Variants in SETD3 observed in about 807,000 individuals in gnomAD.
The protein encoded by SETD3 is SET domain containing 3, actin N3(tau)-histidine methyltransferase.
In SETD3, 19 loss-of-function variants were observed where a neutral mutation model predicts 63.0. The observed-to-expected ratio is 0.30, with a 90% confidence interval of 0.21 to 0.44. The LOEUF (loss-of-function observed/expected upper bound fraction) is 0.44, where lower values mean the gene tolerates loss of function less well. SETD3 is among the 20% of genes least tolerant of loss of function. The pLI, the probability that SETD3 is intolerant of heterozygous loss-of-function variation, is 1.00. For missense variants in SETD3, 587 were observed against 728.5 expected (o/e 0.81, Z 2.24); for synonymous variants, 286 against 264.1 (o/e 1.08, Z -0.80).
At chr14:99,423,198 CA>C (rs1397053371) in intron 6 of SETD3, among the ~76,000 whole-genome samples, 1 of 152,108 alleles carries the variant, frequency 6.6e-6, no homozygotes, top group African/African-American at 2.4e-5. Context: ...TTATAATATA[CA>C]GTCACTGAGA....
intron 6 of SETD3, among the ~76,000 whole-genome samples, chr14:99,446,887 C>A (rs183143679): frequency 6.6e-6 from 1 of 152,192 alleles, no homozygotes; most frequent in African/African-American, 2.4e-5. Context: ...ACACTAGGGG[C>A]ACCCTCCCCC....
chr14:99,404,313 G>A lies in SETD3; in HGVS notation c.1092-3C>T. 1 of 1,613,778 alleles carries A rather than the reference G, an allele frequency of 6.2e-7. No individual in the cohort carries two copies. The highest frequency in any genetic ancestry group is 1.1e-5 in the South Asian group (1 of 91,026). Reference sequence around the variant, plus strand: ...AATGCAATGCAAAAACACTGGAACTGATAAAAGCAGAAAGCAAGATCAGTC... The same window carrying A: ...AATGCAATGCAAAAACACTGGAACTAATAAAAGCAGAAAGCAAGATCAGTC... On this transcript the variant is annotated splice_region_variant and splice_polypyrimidine_tract_variant and intron_variant, in intron 10 of 12. Coordinates refer to ENST00000331768, the MANE Select transcript of SETD3 (RefSeq NM_032233.3).
chr14:99,468,323 T>C (rs936388963), intron 1 of SETD3, among the ~76,000 whole-genome samples: 1 of 152,060 alleles, frequency 6.6e-6, no homozygotes, highest in African/African-American at 2.4e-5. Flanking sequence ...GGTTAGACCC[T>C]AACACTAGTC....
At chr14:99,425,821 T>G (rs935471079) in intron 6 of SETD3, among the ~76,000 whole-genome samples, 1 of 152,222 alleles carries the variant, frequency 6.6e-6, no homozygotes, top group African/African-American at 2.4e-5. Flanking sequence ...GAAAAAAATC[T>G]GTTTTCCCAT....
At chr14:99,432,666 C>T (rs1893248502) in intron 6 of SETD3, among the ~76,000 whole-genome samples, 2 of 152,222 alleles carry the variant, frequency 1.3e-5, no homozygotes, top group Non-Finnish European at 1.5e-5. Flanking sequence ...TGGATGCAGA[C>T]GTAACAGTGA....
At chr14:99,448,403 G>A (rs1023391434) in intron 6 of SETD3, among the ~76,000 whole-genome samples, 4 of 152,150 alleles carry the variant, frequency 2.6e-5, no homozygotes, top group Admixed American at 1.3e-4. Context: ...GCAGCCACGG[G>A]TTTCCTACGA....
chr14:99,461,107 C>G lies in SETD3; in HGVS notation c.345+85G>C. ...TCAGAACTAGAACTCCCCCACCACACGTCTACCTCTTCACCCTGCGCCCTC... is the reference window on the plus strand; with the variant it reads ...TCAGAACTAGAACTCCCCCACCACAGGTCTACCTCTTCACCCTGCGCCCTC... On this transcript the variant is annotated intron_variant, in intron 4 of 12. Coordinates refer to ENST00000331768, the MANE Select transcript of SETD3 (RefSeq NM_032233.3). 14 of 1,486,394 alleles carry G rather than the reference C, an allele frequency of 9.4e-6. 1 individual carries two copies. In the South Asian group the frequency reaches 1.2e-4, roughly 12 times the overall value. The allele number at this position is 1,486,394 out of a possible 1,614,324, so 92.1% of individuals were successfully genotyped here. A position where few individuals can be genotyped will look rare whatever the true frequency, so the allele number is the denominator to read the frequency against.
chr14:99,462,899 T>C (rs1431456775), intron 3 of SETD3, among the ~76,000 whole-genome samples: 3 of 152,186 alleles, frequency 2.0e-5, no homozygotes, highest in African/African-American at 7.2e-5. Flanking sequence ...TTCCATGTGG[T>C]CCTGCATAAT....
Position 99,398,985 on chromosome 14 carries a change from C to T in SETD3, c.1479G>A (p.Met493Ile), listed in dbSNP as rs142731267. The part of the protein sequence containing the change: ...AVNREYYRQQ[M>I]EEKAPLPKYE... ...ATTTGGGAAGCGGAGCCTTTTCCTCCATCTGTTGGCGATAGTATTCCCGGT... is the reference window on the plus strand; with the variant it reads ...ATTTGGGAAGCGGAGCCTTTTCCTCTATCTGTTGGCGATAGTATTCCCGGT... Residue 493 changes from methionine to isoleucine, a missense_variant, in exon 13 of 13, where the codon ATG becomes ATA. Physicochemically the swap from Met to Ile is conservative, Grantham distance 10 (BLOSUM62 1). Transcript: ENST00000331768. 5 of 1,614,176 alleles carry T rather than the reference C, an allele frequency of 3.1e-6. No individual in the cohort carries two copies. Among genetic ancestry groups the T allele is most frequent in the Non-Finnish European group, 4.2e-6 (5 of 1,180,036 alleles).
At chr14:99,479,681 T>G (rs767244709) in intron 1 of SETD3, among the ~76,000 whole-genome samples, 23 of 152,222 alleles carry the variant, frequency 1.5e-4, no homozygotes, top group Non-Finnish European at 2.4e-4. Flanking sequence ...GCATTTATAG[T>G]GGCCTCATCA....
chr14:99,440,839 C>G (rs933999630), intron 6 of SETD3, among the ~76,000 whole-genome samples: 2 of 149,296 alleles, frequency 1.3e-5, no homozygotes, highest in African/African-American at 4.9e-5. Context: ...AAAAAAGCAA[C>G]AGAAAAATAC....
intron 6 of SETD3, among the ~76,000 whole-genome samples, chr14:99,448,308 T>A (rs1328296892): frequency 6.6e-6 from 1 of 152,140 alleles, no homozygotes. Context: ...GAATCCACTG[T>A]CACAGTGGCA....
chr14:99,461,457 A>C lies in SETD3; in HGVS notation c.197-117T>G, dbSNP rs536659542. 44 of 990,720 alleles carry C rather than the reference A, an allele frequency of 4.4e-5. 1 individual carries two copies. In the East Asian group the frequency reaches 8.5e-4, roughly 19 times the overall value. The allele number at this position is 990,720 out of a possible 1,614,324, so 61.4% of individuals were successfully genotyped here. The stretch of plus-strand genomic sequence containing the variant: ...ACACTGGAAATAGTCTTAACACGCC[A>C]ATCTTGAAATCAAAACTAATCACCA... On this transcript the variant is annotated intron_variant, in intron 3 of 12. Transcript: ENST00000331768.
rs1260652668 is a variant in SETD3, at chr14:99,459,245, C to T, written c.346-60G>A. On this transcript the variant is annotated intron_variant, in intron 4 of 12. Coordinates refer to ENST00000331768, the MANE Select transcript of SETD3 (RefSeq NM_032233.3). ...AACACGGTACAGTCTTCAATCCAACCATATCTACGGTCAGAAATCCAATCA... is the reference window on the plus strand; with the variant it reads ...AACACGGTACAGTCTTCAATCCAACTATATCTACGGTCAGAAATCCAATCA... 10 of 1,200,598 alleles carry T rather than the reference C, an allele frequency of 8.3e-6. No homozygotes were observed. The Middle Eastern group carries it at 5.7e-4, about 68-fold the overall frequency. The allele number at this position is 1,200,598 out of a possible 1,614,324, so 74.4% of individuals were successfully genotyped here. A position where few individuals can be genotyped will look rare whatever the true frequency, so the allele number is the denominator to read the frequency against.
At chr14:99,447,700 T>A (rs1197049486) in intron 6 of SETD3, among the ~76,000 whole-genome samples, 1 of 152,184 alleles carries the variant, frequency 6.6e-6, no homozygotes, top group African/African-American at 2.4e-5. Context: ...AAGTCCTAGT[T>A]TTTTCAGTCT....
chr14:99,480,357 G>C (rs771140511), intron 1 of SETD3, among the ~76,000 whole-genome samples: 21 of 151,978 alleles, frequency 1.4e-4, no homozygotes, highest in Non-Finnish European at 2.1e-4. Flanking sequence ...GGACAGCGGG[G>C]CAAGCTCGGG....
intron 12 of SETD3, 40 bp from the exon 13 acceptor site, chr14:99,399,165 C>G (rs1314372181): frequency 6.3e-7 from 1 of 1,579,684 alleles, no homozygotes; most frequent in African/African-American, 1.4e-5. Context: ...GAAGTCTAAA[C>G]CAGCAAAACT....
chr14:99,456,171 G>A (rs1361980446), intron 6 of SETD3, among the ~76,000 whole-genome samples: 2 of 152,092 alleles, frequency 1.3e-5, no homozygotes, highest in Non-Finnish European at 2.9e-5. Flanking sequence ...GGAAAAAAAA[G>A]TCTGATATAA....
intron 6 of SETD3, 101 bp downstream of exon 6, chr14:99,458,178 A>C: frequency 7.7e-7 from 1 of 1,307,160 alleles, no homozygotes; most frequent in Non-Finnish European, 1.1e-6. Context: ...TAAAATGTTT[A>C]AGTATCCTTA....
Sources: allele counts gnomAD v4.1 joint callset (sites outside exome capture counted in the v4.1 genomes callset), GRCh38; gene constraint gnomAD v4.1.1; transcripts MANE v1.5; gene names NCBI Gene and HGNC (gene_info 2026-07-23, HGNC 2026-07-21).